Variants in NRXN3 observed in about 807,000 individuals in gnomAD.
NRXN3 encodes the protein neurexin 3, also known as neurexin III.
A neutral mutation model predicts 137.6 loss-of-function variants in NRXN3; 32 were observed. The ratio of observed to expected loss-of-function variants is 0.23; its 90% CI spans 0.18 to 0.31. The LOEUF is 0.31. Among genes scored for constraint, NRXN3 ranks in the 10% least tolerant of loss-of-function variants. The pLI is 1.00. For missense variants in NRXN3, 1,574 were observed against 2,062.5 expected, an observed-to-expected ratio of 0.76 and a Z score of 4.59; for synonymous variants, 798 against 784.5, an observed-to-expected ratio of 1.02 and a Z score of -0.29.
chr14:79,480,359 T>C (rs1311952478), intron 16 of NRXN3, among the ~76,000 whole-genome samples: 1 of 152,098 alleles, frequency 6.6e-6, no homozygotes, highest in South Asian at 2.1e-4. Context: ...AATTCAATAC[T>C]AGAGCGTGAA....
chr14:79,443,892 T>C (rs1254347733), intron 15 of NRXN3, among the ~76,000 whole-genome samples: 3 of 152,208 alleles, frequency 2.0e-5, no homozygotes, highest in African/African-American at 7.2e-5. Flanking sequence ...TTTTGAGAAG[T>C]GAAAAGGATT....
intron 16 of NRXN3, among the ~76,000 whole-genome samples, chr14:79,632,104 C>A (rs964027652): frequency 1.3e-5 from 2 of 152,196 alleles, no homozygotes; most frequent in African/African-American, 4.8e-5. Context: ...CTGCTACTCA[C>A]TCTTAGGGTC....
intron 4 of NRXN3, among the ~76,000 whole-genome samples, chr14:78,641,802 T>C (rs892441744): frequency 6.6e-6 from 1 of 152,234 alleles, no homozygotes; most frequent in Non-Finnish European, 1.5e-5. Context: ...TAAAATCTTC[T>C]TCGGTATAGT....
chr14:79,572,482 T>G (rs1268706224), intron 16 of NRXN3, among the ~76,000 whole-genome samples: 1 of 152,198 alleles, frequency 6.6e-6, no homozygotes, highest in African/African-American at 2.4e-5. Flanking sequence ...TCCTCCCCAT[T>G]AGTACACTTG....
chr14:79,530,484 T>C (rs186123731), intron 16 of NRXN3, among the ~76,000 whole-genome samples: 237 of 152,186 alleles, frequency 1.6e-3, no homozygotes, highest in African/African-American at 5.4e-3. Context: ...CGGACAAAGA[T>C]GGAGAAGGAA....
intron 15 of NRXN3, among the ~76,000 whole-genome samples, chr14:79,007,409 A>C (rs1026590931): frequency 5.9e-5 from 9 of 151,854 alleles, no homozygotes; most frequent in Non-Finnish European, 1.3e-4. Flanking sequence ...GGGACAGTTC[A>C]GCCATGTTAC....
chr14:78,442,290 A>AAAAAAAG (rs1555530947), intron 4 of NRXN3, among the ~76,000 whole-genome samples: 1 of 151,448 alleles, frequency 6.6e-6, no homozygotes, highest in Non-Finnish European at 1.5e-5. Flanking sequence ...AGGAAAAAAA[A>AAAAAAAG]AAAAAGAAAT....
At position 78,235,040 on chromosome 14, in the gene NRXN3, G is replaced by GTATATATATATATA. The variant is rs1338237743; in HGVS notation, c.-703-7350_-703-7349insATATATATATATAT. ...TATATATATGTGTATATATATATGTGTGTGTGTGTGTGTGTGTCTTTTTGT... is the reference window on the plus strand; with the variant it reads ...TATATATATGTGTATATATATATGTGTATATATATATATATGTGTGTGTGTGTGTGTCTTTTTGT... On this transcript the variant is annotated intron_variant, in intron 1 of 20. Coordinates refer to ENST00000335750, the MANE Select transcript of NRXN3 (RefSeq NM_001330195.2). 3.6e-3 allele frequency among the ~76,000 whole-genome samples: 368 copies of GTATATATATATATA among 103,090 alleles called. 10 individuals are homozygous for GTATATATATATATA. Among genetic ancestry groups the GTATATATATATATA allele is most frequent in the Middle Eastern group, 5.9e-3 (1 of 170 alleles). The allele number at this position is 103,090 out of a possible 152,430, so 67.6% of individuals were successfully genotyped here.
chr14:78,192,712 T>C (rs947731437), intron 1 of NRXN3, among the ~76,000 whole-genome samples: 21 of 152,084 alleles, frequency 1.4e-4, no homozygotes, highest in Middle Eastern at 3.2e-3. Context: ...GGCACCGAAA[T>C]TCCTCTCCTA....
In NRXN3 at chr14:78,966,245, T is replaced by A; in HGVS notation, c.2616T>A (p.Pro872=). ...GACTGAGGAACATCATCGCTGACCC[T>A]GTCACCTTTAAGACCAAGAGCAGCT... ...RFGLRNIIAD[P]VTFKTKSSYL... is the part of the protein sequence containing the mutation. Residue 872 remains proline, a synonymous_variant, in exon 12 of 21, where the codon CCT becomes CCA. Transcript: ENST00000335750. 1 of 1,614,246 alleles carries A rather than the reference T, an allele frequency of 6.2e-7. No individual in the cohort carries two copies. The highest frequency in any genetic ancestry group is 8.5e-7 in the Non-Finnish European group (1 of 1,180,032).
chr14:78,382,852 G>A (rs1817878029), intron 4 of NRXN3, among the ~76,000 whole-genome samples: 1 of 152,136 alleles, frequency 6.6e-6, no homozygotes, highest in African/African-American at 2.4e-5. Flanking sequence ...TGGATAGAGG[G>A]ATTTGATAAG....
Position 78,853,236 on chromosome 14 carries a change from G to T in NRXN3, c.2275+42892G>T, listed in dbSNP as rs994809515. ...TCACCTCTTCCCCTACCCCACAACAGGCCCCGGTGTGTGATGTTCCCCTTC... is the reference window on the plus strand; with the variant it reads ...TCACCTCTTCCCCTACCCCACAACATGCCCCGGTGTGTGATGTTCCCCTTC... On this transcript the variant is annotated intron_variant, in intron 10 of 20. Transcript: ENST00000335750. Among the ~76,000 whole-genome samples the T allele has an allele frequency of 3.9e-5, 6 of 152,214 alleles. No homozygotes were observed. In the South Asian group the frequency reaches 1.2e-3, roughly 32 times the overall value.
At chr14:79,767,708 T>C (rs1385804578) in intron 19 of NRXN3, among the ~76,000 whole-genome samples, 1 of 152,152 alleles carries the variant, frequency 6.6e-6, no homozygotes, top group Non-Finnish European at 1.5e-5. Flanking sequence ...AAAAAGTAAG[T>C]CACCCAAAGT....
At chr14:79,858,275 CTT>C (rs2099407032) in intron 20 of NRXN3, among the ~76,000 whole-genome samples, 1 of 151,646 alleles carries the variant, frequency 6.6e-6, no homozygotes, top group Non-Finnish European at 1.5e-5. Context: ...ACTGTGGAAA[CTT>C]TAGCTGGTAT....
intron 15 of NRXN3, chr14:79,314,179 A>T (rs1464499411): frequency 2.7e-5 from 4 of 146,120 alleles, no homozygotes; most frequent in African/African-American, 1.0e-4. Flanking sequence ...AGGGAGTGCC[A>T]GACAGTGGGC....
At chr14:78,424,029 C>T (rs969644569) in intron 4 of NRXN3, among the ~76,000 whole-genome samples, 2 of 152,246 alleles carry the variant, frequency 1.3e-5, no homozygotes, top group East Asian at 1.9e-4. Flanking sequence ...ATGCATTTAG[C>T]GGGGGTTCTT....
chr14:78,204,538 G>A (rs1233508120), intron 1 of NRXN3, among the ~76,000 whole-genome samples: 1 of 152,140 alleles, frequency 6.6e-6, no homozygotes, highest in Non-Finnish European at 1.5e-5. Flanking sequence ...TTCTTTGGAT[G>A]GGGAATTACT....
intron 10 of NRXN3, among the ~76,000 whole-genome samples, chr14:78,946,958 G>T (rs2099366583): frequency 2.6e-5 from 4 of 152,066 alleles, no homozygotes; most frequent in African/African-American, 9.7e-5. Context: ...TTTTTGTGGG[G>T]ACTATAAGGA....
Position 79,697,520 on chromosome 14 carries a change from C to T in NRXN3, c.3707-110C>T. On this transcript the variant is annotated intron_variant, in intron 18 of 20. Transcript: ENST00000335750. ...GGTTTTGTTGTCTATTTTTTCCTCC[C>T]CTTCAATTGCTCAAGGAAGCCTGTT... is the stretch of plus-strand genomic sequence containing the variant. 5.2e-6 allele frequency: 6 copies of T among 1,145,842 alleles called. No homozygotes were observed. The South Asian group carries it at 9.6e-5, about 18-fold the overall frequency. 71.0% of individuals were successfully genotyped at this position (1,145,842 alleles called of 1,614,324 possible). A position where few individuals can be genotyped will look rare whatever the true frequency, so the allele number is the denominator to read the frequency against.
Sources: allele counts gnomAD v4.1 joint callset (sites outside exome capture counted in the v4.1 genomes callset), GRCh38; gene constraint gnomAD v4.1.1; transcripts MANE v1.5; gene names NCBI Gene and HGNC (gene_info 2026-07-23, HGNC 2026-07-21).